The following FBLN1 variants were observed in gnomAD, a reference collection of about 807,000 sequenced individuals.
FBLN1 encodes the protein fibulin 1.
Under a neutral mutation model 89.7 loss-of-function variants are expected in FBLN1, and 34 were observed. The ratio of observed to expected loss-of-function variants is 0.38; its 90% CI spans 0.29 to 0.50. The LOEUF is 0.50. FBLN1 is among the 20% of genes least tolerant of loss of function. The pLI is 0.92. For synonymous variants in FBLN1, 393 were observed against 391.3 expected (o/e 1.00, Z -0.05); for missense variants, 777 against 988.1 (o/e 0.79, Z 2.86).
intron 1 of FBLN1, among the ~76,000 whole-genome samples, chr22:45,515,102 G>C (rs2088151525): frequency 6.6e-6 from 1 of 152,240 alleles, no homozygotes; most frequent in South Asian, 2.1e-4. Context: ...GGGTTGAGGA[G>C]TGAGAGCCGG....
intron 2 of FBLN1, among the ~76,000 whole-genome samples, chr22:45,525,075 A>G (rs1341216589): frequency 6.6e-6 from 1 of 151,480 alleles, no homozygotes; most frequent in Non-Finnish European, 1.5e-5. Context: ...ATCTCAAAGA[A>G]AGAAAGAAAG....
At chr22:45,523,004 T>C in intron 2 of FBLN1, 1 of 584,728 alleles carries the variant, frequency 1.7e-6, no homozygotes, top group Non-Finnish European at 3.2e-6. Flanking sequence ...AATAAGTCCG[T>C]CTGATGGTTT....
At chr22:45,585,478 A>T (rs1231644626) in intron 16 of FBLN1, among the ~76,000 whole-genome samples, 1 of 152,210 alleles carries the variant, frequency 6.6e-6, no homozygotes, top group Non-Finnish European at 1.5e-5. Context: ...GAGATTCAGA[A>T]ATTCCACCTA....
chr22:45,530,583 A>C lies in FBLN1; in HGVS notation c.485-682A>C, dbSNP rs114367153. ...CAAACACATAATAGCATTTGATAGA[A>C]TCAATCAGGAGACTCAAGTTTTTAC... On this transcript the variant is annotated intron_variant, in intron 4 of 16. Coordinates refer to ENST00000327858, the MANE Select transcript of FBLN1 (RefSeq NM_006486.3). The surrounding 1 kb of genome is among the most constrained non-coding windows in gnomAD (Gnocchi z 5.4). 4.2e-3 allele frequency among the ~76,000 whole-genome samples: 644 copies of C among 152,310 alleles called. 1 individual carries two copies. Among genetic ancestry groups the C allele is most frequent in the African/African-American group, 0.015 (613 of 41,568 alleles).
Position 45,550,567 on chromosome 22 carries a change from G to A in FBLN1, c.1649G>A (p.Arg550His), listed in dbSNP as rs769454474. Residue 550 changes from arginine (R) to histidine (H), a missense_variant, in exon 14 of 17, where the codon CGC (arginine) becomes CAC (histidine). Transcript: ENST00000327858. The surrounding 1 kb of genome is among the most constrained non-coding windows in gnomAD (Gnocchi z 8.4). Reference sequence around the variant, plus strand: ...TGCTTCAACATCCAGGGCGGCTTCCGCTGCCTGGCCTTCGAGTGCCCTGAG... The same window carrying A: ...TGCTTCAACATCCAGGGCGGCTTCCACTGCCTGGCCTTCGAGTGCCCTGAG... ...ETCFNIQGGF[R>H]CLAFECPENY... The A allele has an allele frequency of 1.1e-5, 17 of 1,613,958 alleles. No homozygotes were observed. The highest frequency in any genetic ancestry group is 1.7e-5 in the Admixed American group (1 of 60,000).
intron 4 of FBLN1, 47 bp downstream of exon 4, chr22:45,528,056 C>T: frequency 6.3e-7 from 1 of 1,593,164 alleles, no homozygotes; most frequent in African/African-American, 1.3e-5. Flanking sequence ...TTAAGGTTCT[C>T]CGGGATGTGT....
intron 1 of FBLN1, among the ~76,000 whole-genome samples, chr22:45,513,108 G>A (rs901368230): frequency 1.3e-5 from 2 of 152,094 alleles, no homozygotes; most frequent in African/African-American, 2.4e-5. Context: ...AAATTAATTC[G>A]CTTGACACTG....
Position 45,550,422 on chromosome 22 carries a change from C to T in FBLN1, c.1574-70C>T. The T allele has an allele frequency of 6.2e-7, 1 of 1,611,522 alleles. No individual in the cohort carries two copies. The highest frequency in any genetic ancestry group is 8.5e-7 in the Non-Finnish European group (1 of 1,179,258). On this transcript the variant is annotated intron_variant, in intron 13 of 16. Coordinates refer to ENST00000327858, the MANE Select transcript of FBLN1 (RefSeq NM_006486.3). The surrounding 1 kb of genome is among the most constrained non-coding windows in gnomAD (Gnocchi z 8.4). ...CCCTAGTTGATGGGAGGCCTGGGCT[C>T]CTCCGTCTCCAGATGGGTATGGCTC... is the stretch of plus-strand genomic sequence containing the variant.
intron 11 of FBLN1, among the ~76,000 whole-genome samples, chr22:45,543,935 G>A (rs2088592690): frequency 6.6e-6 from 1 of 152,212 alleles, no homozygotes; most frequent in Admixed American, 6.5e-5. Flanking sequence ...GACAGTGTGT[G>A]GGTTTTAATC....
At chr22:45,558,239 T>C in intron 14 of FBLN1, 1 of 550,532 alleles carries the variant, frequency 1.8e-6, no homozygotes, top group Non-Finnish European at 3.4e-6. Flanking sequence ...CATTTGATGA[T>C]GGAATGCTGC....
chr22:45,539,097 C>A, intron 8 of FBLN1, among the ~76,000 whole-genome samples: 1 of 128,818 alleles, frequency 7.8e-6, no homozygotes, highest in East Asian at 2.7e-4. Context: ...CCCATCCTCC[C>A]CCTCCCTTCT....
At chr22:45,535,617 CA>C in intron 8 of FBLN1, 1 of 395,452 alleles carries the variant, frequency 2.5e-6, no homozygotes, top group Non-Finnish European at 4.6e-6. Context: ...ACTTTATTTA[CA>C]AAAATAGGCA....
chr22:45,503,394 A>C (rs2087974868), intron 1 of FBLN1: 1 of 182,558 alleles, frequency 5.5e-6, no homozygotes, highest in African/African-American at 2.4e-5. Flanking sequence ...GGGCTGGGGG[A>C]CGCTGGCTGG....
Position 45,537,935 on chromosome 22 carries a change from C to T in FBLN1, c.922+2598C>T, listed in dbSNP as rs531468211. On this transcript the variant is annotated intron_variant, in intron 8 of 16. Transcript: ENST00000327858. This position sits in a 1 kb window ranked among gnomAD's most constrained non-coding sequence, Gnocchi z 5.7. ...GGGGTCCGGAGGAGGCTGGCGTCGA[C>T]TGAGGATGGAAACCCTGACTCATGG... 1.3e-5 allele frequency among the ~76,000 whole-genome samples: 2 copies of T among 152,350 alleles called. No individual in the cohort carries two copies. Among genetic ancestry groups the T allele is most frequent in the South Asian group, 4.1e-4 (2 of 4,834 alleles).
rs375315857 is a variant in FBLN1, at chr22:45,525,534, C to T, written c.186-9C>T. The T allele has an allele frequency of 1.3e-6, 2 of 1,548,928 alleles. No homozygotes were observed. The highest frequency in any genetic ancestry group is 1.4e-5 in the African/African-American group (1 of 73,006). On this transcript the variant is annotated splice_polypyrimidine_tract_variant and intron_variant, in intron 2 of 16. Transcript: ENST00000327858. ...CAGAGCCTTGGCCCAGCCCACCCCT[C>T]ACCCACAGGATGGTGCAGGAGCAGT... is the stretch of plus-strand genomic sequence containing the variant.
At chr22:45,521,452 C>G (rs1011083625) in intron 2 of FBLN1, among the ~76,000 whole-genome samples, 1 of 152,222 alleles carries the variant, frequency 6.6e-6, no homozygotes, top group African/African-American at 2.4e-5. Flanking sequence ...CATACCTGTC[C>G]TAGGCTGCCT....
intron 2 of FBLN1, among the ~76,000 whole-genome samples, chr22:45,525,179 AAG>A (rs3074733): frequency 2.7e-4 from 40 of 146,954 alleles, no homozygotes; most frequent in East Asian, 1.0e-3. Context: ...GAAAGGGAGA[AAG>A]AGAGAGAGAG....
intron 1 of FBLN1, among the ~76,000 whole-genome samples, chr22:45,504,705 A>G (rs1387999953): frequency 1.3e-5 from 2 of 151,760 alleles, no homozygotes; most frequent in South Asian, 4.2e-4. Flanking sequence ...TTTGCGAACA[A>G]TTTCTCCCTA....
intron 16 of FBLN1, among the ~76,000 whole-genome samples, chr22:45,595,296 T>A (rs1354301444): frequency 6.6e-6 from 1 of 152,096 alleles, no homozygotes; most frequent in African/African-American, 2.4e-5. Flanking sequence ...GAGAAGCGGA[T>A]TTGGAAGGTC....
Sources: allele counts gnomAD v4.1 joint callset (sites outside exome capture counted in the v4.1 genomes callset), GRCh38; gene constraint gnomAD v4.1.1; non-coding constraint Gnocchi (gnomAD v3.1); transcripts MANE v1.5; gene names NCBI Gene and HGNC (gene_info 2026-07-23, HGNC 2026-07-21).